The following ORC1 variants were observed in gnomAD, a reference collection of about 807,000 sequenced individuals.
The protein encoded by ORC1 is origin recognition complex, subunit 1 homolog.
Under a neutral mutation model 98.9 loss-of-function variants are expected in ORC1, and 61 were observed. The ratio of observed to expected loss-of-function variants is 0.62; its 90% CI spans 0.50 to 0.76. The LOEUF (loss-of-function observed/expected upper bound fraction) is 0.76, where lower values mean the gene tolerates loss of function less well. Ranked by LOEUF, ORC1 falls within the 30% of genes least tolerant of loss-of-function variation. The pLI, the probability that ORC1 is intolerant of heterozygous loss-of-function variation, is 0.00. For synonymous variants in ORC1, 385 were observed against 406.9 expected (o/e 0.95, Z 0.65); for missense variants, 979 against 1,072.2 (o/e 0.91, Z 1.21).
rs1646953232 is a variant in ORC1, at chr1:52,373,012, G to C, written c.*169C>G. The C allele has an allele frequency of 4.0e-6, 3 of 742,034 alleles. No homozygotes were observed. The highest frequency in any genetic ancestry group is 7.2e-6 in the Non-Finnish European group (3 of 417,042). The allele number at this position is 742,034 out of a possible 1,614,324, so 46.0% of individuals were successfully genotyped here. Reference sequence around the variant, plus strand: ...CTGGGCATGGTGGCATGTGCCTGTAGTTTCAGCCACCTGGGAGGATGAGGT... The same window carrying C: ...CTGGGCATGGTGGCATGTGCCTGTACTTTCAGCCACCTGGGAGGATGAGGT... On this transcript the variant is annotated 3_prime_UTR_variant, in exon 17 of 17. Transcript: ENST00000371568.
In ORC1 at chr1:52,385,222, C is replaced by T. The variant is rs1647127174; in HGVS notation, c.1522G>A (p.Glu508Lys). The T allele has an allele frequency of 1.2e-6, 2 of 1,613,868 alleles. No individual in the cohort carries two copies. Reference protein sequence around the residue: ...SAVPESLPCREQEFQDIYNFV... With the variant: ...SAVPESLPCRKQEFQDIYNFV... ...TTGTAGATGTCTTGGAATTCCTGTTCCCGACAGGGAAGAGACTCAGGTACA... is the reference window on the plus strand; with the variant it reads ...TTGTAGATGTCTTGGAATTCCTGTTTCCGACAGGGAAGAGACTCAGGTACA... The change falls in exon 10 of 17, where the codon GAA becomes AAA. Residue 508 changes from glutamate (E) to lysine (K), a missense_variant. By Grantham distance (56) the Glu-to-Lys change is moderately conservative. Transcript: ENST00000371568.
chr1:52,376,281 C>T (rs557718324), intron 14 of ORC1, among the ~76,000 whole-genome samples: 1 of 151,914 alleles, frequency 6.6e-6, no homozygotes, highest in African/African-American at 2.4e-5. Context: ...TTGGGAGGCC[C>T]AGGCAGGTGG....
intron 13 of ORC1, among the ~76,000 whole-genome samples, chr1:52,382,076 T>G (rs1334958751): frequency 6.6e-6 from 1 of 152,254 alleles, no homozygotes; most frequent in East Asian, 1.9e-4. Context: ...CCTCCTGGGT[T>G]CACGTCATTC....
intron 4 of ORC1, among the ~76,000 whole-genome samples, chr1:52,396,664 T>C (rs1308090115): frequency 1.3e-5 from 2 of 152,216 alleles, no homozygotes; most frequent in African/African-American, 2.4e-5. Flanking sequence ...CCTATTATTA[T>C]CACCCTAGTT....
intron 3 of ORC1, 29 bp from the exon 4 acceptor site, chr1:52,397,892 G>C: frequency 6.2e-7 from 1 of 1,604,156 alleles, no homozygotes; most frequent in South Asian, 1.1e-5. Context: ...AAAGGGAAAG[G>C]TTAAGACAAC....
chr1:52,386,054 G>T, intron 8 of ORC1, 105 bp from the exon 9 acceptor site: 1 of 845,960 alleles, frequency 1.2e-6, no homozygotes, highest in Non-Finnish European at 2.0e-6. Context: ...GAAGAGAGGT[G>T]GTGAATTCCT....
chr1:52,396,978 C>T (rs964343961), intron 4 of ORC1, among the ~76,000 whole-genome samples: 1 of 152,192 alleles, frequency 6.6e-6, no homozygotes, highest in Non-Finnish European at 1.5e-5. Context: ...TGTGCTCCTG[C>T]CCAGATGCTC....
chr1:52,385,207 C>G lies in ORC1; in HGVS notation c.1537G>C (p.Asp513His). 6.2e-7 allele frequency: 1 copy of G among 1,614,072 alleles called. No homozygotes were observed. The highest frequency in any genetic ancestry group is 8.5e-7 in the Non-Finnish European group (1 of 1,179,920). ...TTGCTTTCCACAAAATTGTAGATGT[C>G]TTGGAATTCCTGTTCCCGACAGGGA... Reference protein sequence around the residue: ...SLPCREQEFQDIYNFVESKLL... With the variant: ...SLPCREQEFQHIYNFVESKLL... Residue 513 changes from aspartate to histidine, a missense_variant, in exon 10 of 17, where the codon GAC (aspartate) becomes CAC (histidine). Transcript: ENST00000371568.
chr1:52,385,095 AC>A (rs1647125223), intron 10 of ORC1, 65 bp downstream of exon 10: 4 of 996,842 alleles, frequency 4.0e-6, no homozygotes, highest in Admixed American at 3.4e-5. Context: ...GAACTGTAAC[AC>A]CCAAGGCATT....
At chr1:52,391,056 A>T (rs1316839820) in intron 6 of ORC1, among the ~76,000 whole-genome samples, 3 of 152,058 alleles carry the variant, frequency 2.0e-5, no homozygotes, top group Non-Finnish European at 4.4e-5. Context: ...CACGCCTGTA[A>T]TCCCAGTACT....
chr1:52,404,996 T>C, upstream of ORC1: 1 of 1,279,492 alleles, frequency 7.8e-7, no homozygotes, highest in Non-Finnish European at 1.1e-6. Flanking sequence ...AGTATGTCGA[T>C]CATTCAGAAA....
At chr1:52,385,024 G>T in intron 10 of ORC1, 137 bp downstream of exon 10, 1 of 762,884 alleles carries the variant, frequency 1.3e-6, no homozygotes, top group Non-Finnish European at 2.4e-6. Context: ...TGTTTCAGAA[G>T]CTTTGGGCTT....
chr1:52,396,299 C>T lies in ORC1; in HGVS notation c.468G>A (p.Val156=), dbSNP rs1424518513. 1 of 1,614,002 alleles carries T rather than the reference C, an allele frequency of 6.2e-7. No homozygotes were observed. Among genetic ancestry groups the T allele is most frequent in the East Asian group, 2.2e-5 (1 of 44,892 alleles). The change falls in exon 5 of 17, where the codon GTG becomes GTA. Residue 156 remains valine (V), a synonymous_variant. Coordinates refer to ENST00000371568, the MANE Select transcript of ORC1 (RefSeq NM_004153.4). ...TNLKNEKTLF[V]KLSWNEKKFR... is the part of the protein sequence containing the mutation. ...ATTTCTTCTCATTCCAGGATAGTTTCACAAAGAGTGTCTTCTCATTTTTCA... is the reference window on the plus strand; with the variant it reads ...ATTTCTTCTCATTCCAGGATAGTTTTACAAAGAGTGTCTTCTCATTTTTCA...
rs756075567 is a variant in ORC1 at position 52,383,425 on chromosome 1, G to A, written c.2008C>T (p.Arg670Ter). ...ERIMMNRVSS[R>*]LGLTRMCFQP... is the part of the protein sequence containing the mutation. ...GGAACTGCCCTAGAACCTACCAGTC[G>A]GCTGGACACCCGGTTCATCATGATT... The change falls in exon 13 of 17, where the codon CGA (arginine) becomes TGA (stop). Residue 670 changes from arginine (R) to a stop codon, truncating the protein, a stop_gained. Coordinates refer to ENST00000371568, the MANE Select transcript of ORC1 (RefSeq NM_004153.4). LOFTEE classifies it high-confidence loss of function. 8 of 1,612,338 alleles carry A rather than the reference G, an allele frequency of 5.0e-6. No homozygotes were observed. The highest frequency in any genetic ancestry group is 2.7e-5 in the African/African-American group (2 of 74,858).
chr1:52,399,033 C>T (rs1021887344), intron 3 of ORC1, among the ~76,000 whole-genome samples: 2 of 152,164 alleles, frequency 1.3e-5, no homozygotes, highest in African/African-American at 4.8e-5. Context: ...CACACACCCG[C>T]TCTTCTGGGA....
intron 8 of ORC1, 151 bp downstream of exon 8, chr1:52,388,291 C>T: frequency 2.5e-6 from 2 of 798,550 alleles, no homozygotes; most frequent in South Asian, 1.4e-5. Context: ...ACTTAGGTCC[C>T]CTTCTCCATG....
Position 52,373,353 on chromosome 1 carries a change from A to T in ORC1, c.2414T>A (p.Leu805Gln). The change falls in exon 17 of 17, where the codon CTG (leucine) becomes CAG (glutamine). Residue 805 changes from leucine (L) to glutamine (Q), a missense_variant. Coordinates refer to ENST00000371568, the MANE Select transcript of ORC1 (RefSeq NM_004153.4). ...FQQIYSQHVA[L>Q]CRMEGLPYPT... ...GTACGGCAGTCCCTCCATTCTGCAC[A>T]GTGCCACATGTTGACTATATATCTA... 1 of 1,614,094 alleles carries T rather than the reference A, an allele frequency of 6.2e-7. No homozygotes were observed. Among genetic ancestry groups the T allele is most frequent in the Non-Finnish European group, 8.5e-7 (1 of 1,179,976 alleles).
intron 5 of ORC1, 44 bp from the exon 6 acceptor site, chr1:52,393,847 A>G (rs745508310): frequency 5.2e-5 from 83 of 1,599,738 alleles, no homozygotes; most frequent in South Asian, 1.7e-4. Context: ...ACCTAACAAT[A>G]TACAAACCCA....
At chr1:52,375,656 T>TC in intron 14 of ORC1, 57 bp from the exon 15 acceptor site, 1 of 1,520,096 alleles carries the variant, frequency 6.6e-7, no homozygotes, top group Non-Finnish European at 9.1e-7. Flanking sequence ...AACCAAGAGA[T>TC]TCTTGGTAGT....
Sources: gnomAD v4.1 joint callset for allele counts (sites outside exome capture counted in the v4.1 genomes callset) on GRCh38, gnomAD v4.1.1 for gene constraint, MANE v1.5 for transcripts, NCBI Gene and HGNC (gene_info 2026-07-23, HGNC 2026-07-21) for gene names.